Variants in ITIH5 observed in about 807,000 individuals in gnomAD.
ITIH5 encodes the protein inter-alpha-trypsin inhibitor heavy chain 5.
Under a neutral mutation model 77.5 loss-of-function variants are expected in ITIH5, and 65 were observed. That is an observed-to-expected ratio of 0.84 (90% CI 0.69 to 1.03). ITIH5 has a LOEUF of 1.03. ITIH5 is among the 50% of genes least tolerant of loss of function. ITIH5 has a pLI of 0.00. For synonymous variants in ITIH5, 525 were observed against 494.3 expected (o/e 1.06, Z -0.82); for missense variants, 1,208 against 1,213.1 (o/e 1.00, Z 0.06).
chr10:7,566,534 C>G (rs1358103049), intron 12 of ITIH5, 127 bp from the exon 13 acceptor site: 1 of 810,234 alleles, frequency 1.2e-6, no homozygotes, highest in Non-Finnish European at 1.9e-6. Context: ...TCAAGACCAG[C>G]CTGGGCAACA....
Position 7,562,909 on chromosome 10 carries a change from A to AACCACC in ITIH5, c.*173_*174insGGTGGT. ...ATTTGCACTCAGGCTTCCCGCCCCT[A>AACCACC]CCCACCCCTACCCTTCGCCCAGACA... On this transcript the variant is annotated 3_prime_UTR_variant, in exon 14 of 14. Transcript: ENST00000397146. 3 of 551,812 alleles carry AACCACC rather than the reference A, an allele frequency of 5.4e-6. No homozygotes were observed. Among genetic ancestry groups the AACCACC allele is most frequent in the East Asian group, 6.8e-5 (2 of 29,374 alleles). The allele number at this position is 551,812 out of a possible 1,614,324, so 34.2% of individuals were successfully genotyped here. A position where few individuals can be genotyped will look rare whatever the true frequency, so the allele number is the denominator to read the frequency against.
chr10:7,630,837 G>A (rs1833700547), intron 5 of ITIH5, among the ~76,000 whole-genome samples: 1 of 151,358 alleles, frequency 6.6e-6, no homozygotes, highest in African/African-American at 2.4e-5. Context: ...TGTTCTTAAC[G>A]GCCAAACACT....
rs569613195 is a variant in ITIH5, at chr10:7,640,100, A to T, written c.401+654T>A. ...TAATGTCTTATTTTTATCAAAAAAA[A>T]TTTTTTGAAGTATGACTATCACAAT... On this transcript the variant is annotated intron_variant, in intron 4 of 13. Transcript: ENST00000397146. Among the ~76,000 whole-genome samples, 409 of 135,084 alleles carry T rather than the reference A, an allele frequency of 3.0e-3. 3 individuals are homozygous for T. Among genetic ancestry groups the T allele is most frequent in the African/African-American group, 0.011 (390 of 36,146 alleles). The allele number at this position is 135,084 out of a possible 152,430, so 88.6% of individuals were successfully genotyped here.
At chr10:7,591,101 T>A (rs1832785900) in intron 7 of ITIH5, among the ~76,000 whole-genome samples, 2 of 152,196 alleles carry the variant, frequency 1.3e-5, no homozygotes, top group Admixed American at 1.3e-4. Context: ...TTCACCATGT[T>A]GGCCAGGATG....
intron 2 of ITIH5, among the ~76,000 whole-genome samples, chr10:7,651,836 C>G (rs1227749960): frequency 6.6e-6 from 1 of 152,124 alleles, no homozygotes; most frequent in Non-Finnish European, 1.5e-5. Context: ...ACCTTCTGCC[C>G]CTGACCCACC....
At chr10:7,584,590 C>T (rs923128694) in intron 8 of ITIH5, among the ~76,000 whole-genome samples, 1 of 152,130 alleles carries the variant, frequency 6.6e-6, no homozygotes. Context: ...CAAGTGTGAG[C>T]CACCCCACCC....
intron 7 of ITIH5, among the ~76,000 whole-genome samples, chr10:7,610,706 T>C (rs1833227323): frequency 1.3e-5 from 2 of 152,218 alleles, no homozygotes; most frequent in Non-Finnish European, 2.9e-5. Context: ...GCTTTTCACT[T>C]AGTACTGTGG....
intron 2 of ITIH5, among the ~76,000 whole-genome samples, chr10:7,644,514 TATATCACATATATATG>T (rs1374475018): frequency 1.5e-5 from 2 of 129,838 alleles, no homozygotes; most frequent in East Asian, 4.3e-4. Context: ...ATATATGATA[TATATCACATATATATG>T]ATATATCACA....
In ITIH5 at chr10:7,627,405, G is replaced by A. The variant is rs1172714776; in HGVS notation, c.652+9823C>T. On this transcript the variant is annotated intron_variant, in intron 5 of 13. Transcript: ENST00000397146. ...GGCATCAACTGAAATGCAGGACACT[G>A]TGCTAGTCTCTGGTCGAGGGGACTT... Among the ~76,000 whole-genome samples, 3 of 151,948 alleles carry A rather than the reference G, an allele frequency of 2.0e-5. No individual in the cohort carries two copies. In the East Asian group the frequency reaches 5.8e-4, roughly 29 times the overall value.
intron 7 of ITIH5, among the ~76,000 whole-genome samples, chr10:7,607,571 T>C (rs140897717): frequency 0.015 from 2,297 of 152,350 alleles, 59 homozygotes; most frequent in African/African-American, 0.053. Flanking sequence ...CCCAGCACTC[T>C]GGGAGGCTGA....
rs763439282 is a variant in ITIH5 at position 7,640,813 on chromosome 10, T to C, written c.342A>G (p.Arg114=). 15 of 1,613,356 alleles carry C rather than the reference T, an allele frequency of 9.3e-6. No homozygotes were observed. The part of the protein sequence containing the change: ...DKVYQGEITE[R]EKKSGDRVKE... ...TTACCCTATCACCACTCTTCTTTTC[T>C]CTCTCTGTAATTTCGCCCTGATACA... The change falls in exon 4 of 14, where the codon AGA becomes AGG. Residue 114 remains arginine, a synonymous_variant. Transcript: ENST00000397146.
intron 7 of ITIH5, among the ~76,000 whole-genome samples, chr10:7,597,839 G>A (rs185009363): frequency 5.0e-4 from 76 of 152,140 alleles, no homozygotes; most frequent in African/African-American, 1.6e-3. Flanking sequence ...ACATTCTGCA[G>A]GTCATTCAGT....
chr10:7,576,181 C>T (rs968920351), intron 10 of ITIH5, among the ~76,000 whole-genome samples: 2 of 152,030 alleles, frequency 1.3e-5, no homozygotes, highest in South Asian at 4.2e-4. Flanking sequence ...TTCCACCATA[C>T]ATAGATAATT....
chr10:7,656,245 C>T (rs988862181), intron 1 of ITIH5, among the ~76,000 whole-genome samples: 12 of 152,256 alleles, frequency 7.9e-5, no homozygotes, highest in Admixed American at 2.0e-4. Context: ...GACATGGCCT[C>T]GCTGTGTTGC....
chr10:7,565,083 TAC>T (rs60129280), intron 13 of ITIH5, among the ~76,000 whole-genome samples: 3,371 of 135,880 alleles, frequency 0.025, 129 homozygotes, highest in African/African-American at 0.084. Flanking sequence ...TATATATATA[TAC>T]ACACACACAC....
chr10:7,610,535 T>C (rs1833224018), intron 7 of ITIH5, among the ~76,000 whole-genome samples: 1 of 152,242 alleles, frequency 6.6e-6, no homozygotes, highest in Admixed American at 6.5e-5. Flanking sequence ...ACATTGGGAA[T>C]AACAGTGAAT....
At chr10:7,649,844 C>T (rs961606681) in intron 2 of ITIH5, among the ~76,000 whole-genome samples, 2 of 152,150 alleles carry the variant, frequency 1.3e-5, no homozygotes, top group African/African-American at 4.8e-5. Context: ...GGCAGAGGCT[C>T]ATGAAAATGT....
chr10:7,577,013 C>G lies in ITIH5; in HGVS notation c.1419-1G>C. On this transcript the variant is annotated splice_acceptor_variant, in intron 9 of 13. Coordinates refer to ENST00000397146, the MANE Select transcript of ITIH5 (RefSeq NM_030569.7). LOFTEE classifies it high-confidence loss of function. ...CGGGGTCCTGATTTCATCGTAGAAC[C>G]TGCAGTGGAAGCACAGGGAGGGAGG... is the stretch of plus-strand genomic sequence containing the variant. 1.9e-6 allele frequency: 3 copies of G among 1,605,088 alleles called. No homozygotes were observed. The highest frequency in any genetic ancestry group is 2.6e-6 in the Non-Finnish European group (3 of 1,173,950).
intron 7 of ITIH5, among the ~76,000 whole-genome samples, chr10:7,599,456 C>A (rs1313150104): frequency 1.3e-5 from 2 of 152,194 alleles, no homozygotes; most frequent in Non-Finnish European, 2.9e-5. Flanking sequence ...TGATTGAGTT[C>A]TTGGTTTCTC....
Sources: allele counts gnomAD v4.1 joint callset (sites outside exome capture counted in the v4.1 genomes callset), GRCh38; gene constraint gnomAD v4.1.1; transcripts MANE v1.5; gene names NCBI Gene and HGNC (gene_info 2026-07-23, HGNC 2026-07-21).